MYH14: variants seen among roughly 807,000 people sequenced by gnomAD.
MYH14 encodes the protein myosin heavy chain 14, also known as myosin-14.
A neutral mutation model predicts 255.5 loss-of-function variants in MYH14; 123 were observed. The ratio of observed to expected loss-of-function variants is 0.48; its 90% CI spans 0.42 to 0.56. MYH14 has a LOEUF of 0.56. Among genes scored for constraint, MYH14 ranks in the 20% least tolerant of loss-of-function variants. MYH14 has a pLI of 0.00. For synonymous variants in MYH14, 1,095 were observed against 1,161.2 expected (o/e 0.94, Z 1.16); for missense variants, 2,423 against 2,802.3 (o/e 0.86, Z 3.06).
chr19:50,277,131 C>T (rs2035540196), intron 29 of MYH14, among the ~76,000 whole-genome samples: 1 of 152,174 alleles, frequency 6.6e-6, no homozygotes. Context: ...ACTGCCTTCC[C>T]TTGTGGAGCT....
intron 7 of MYH14, 102 bp from the exon 8 acceptor site, chr19:50,226,801 C>T: frequency 7.3e-6 from 8 of 1,101,984 alleles, no homozygotes; most frequent in South Asian, 6.8e-5. Flanking sequence ...GGGGGGGCAG[C>T]CGCAGCTCTG....
rs757168957 is a variant in MYH14 at position 50,281,736 on chromosome 19, G to A, written c.4433G>A (p.Arg1478Gln). The change falls in exon 33 of 43, where the codon CGG (arginine) becomes CAG (glutamine). Residue 1478 changes from arginine to glutamine, a missense_variant. Physicochemically the swap from Arg to Gln is conservative, Grantham distance 43. Transcript: ENST00000642316. The part of the protein sequence containing the change: ...EKTETVDRLE[R>Q]GRRRLQQELD... ...ACAGAGACCGTGGATCGGCTGGAGCGGGGCCGCCGCCGGCTGCAGCAGGAG... is the reference window on the plus strand; with the variant it reads ...ACAGAGACCGTGGATCGGCTGGAGCAGGGCCGCCGCCGGCTGCAGCAGGAG... 59 of 1,611,694 alleles carry A rather than the reference G, an allele frequency of 3.7e-5. No homozygotes were observed. Among genetic ancestry groups the A allele is most frequent in the Middle Eastern group, 1.6e-4 (1 of 6,068 alleles).
At chr19:50,222,801 C>T (rs1186546431) in intron 3 of MYH14, among the ~76,000 whole-genome samples, 7 of 152,084 alleles carry the variant, frequency 4.6e-5, no homozygotes, top group Non-Finnish European at 7.4e-5. Context: ...ACGTTGAGGT[C>T]GTTGAATGAA....
chr19:50,286,834 G>A (rs1195076358), intron 34 of MYH14, 140 bp downstream of exon 34: 3 of 893,878 alleles, frequency 3.4e-6, no homozygotes, highest in East Asian at 2.7e-5. Context: ...AGAGGGCTGG[G>A]CATGGTGGCT....
At chr19:50,279,348 C>T (rs1217882816) in intron 30 of MYH14, among the ~76,000 whole-genome samples, 1 of 152,048 alleles carries the variant, frequency 6.6e-6, no homozygotes, top group African/African-American at 2.4e-5. Flanking sequence ...TTTTAAAACA[C>T]CAGCTGGGTG....
At chr19:50,277,786 G>A (rs993475593) in intron 29 of MYH14, among the ~76,000 whole-genome samples, 14 of 151,928 alleles carry the variant, frequency 9.2e-5, no homozygotes, top group African/African-American at 3.1e-4. Context: ...GCGTGGTGGT[G>A]GGCGCCTGTA....
In MYH14 at chr19:50,293,340, T is replaced by C; in HGVS notation, c.5345+19T>C. On this transcript the variant is annotated intron_variant, in intron 38 of 42. Coordinates refer to ENST00000642316, the MANE Select transcript of MYH14 (RefSeq NM_001145809.2). This position sits in a 1 kb window ranked among gnomAD's most constrained non-coding sequence, Gnocchi z 4.1. ...TTAGCAAGTAAGTGCCCCAAGGGTC[T>C]GAAGGCTGAGGTACTGCGTCTGCAG... 2 of 1,583,132 alleles carry C rather than the reference T, an allele frequency of 1.3e-6. No homozygotes were observed. Among genetic ancestry groups the C allele is most frequent in the Non-Finnish European group, 1.7e-6 (2 of 1,162,850 alleles).
At chr19:50,207,217 G>A (rs961838291) in intron 1 of MYH14, among the ~76,000 whole-genome samples, 9 of 144,786 alleles carry the variant, frequency 6.2e-5, no homozygotes, top group Non-Finnish European at 1.1e-4. Flanking sequence ...GCAATAGAGC[G>A]AGACCTATCT....
At chr19:50,222,757 A>G (rs1329959914) in intron 3 of MYH14, among the ~76,000 whole-genome samples, 1 of 152,118 alleles carries the variant, frequency 6.6e-6, no homozygotes, top group Non-Finnish European at 1.5e-5. Context: ...TGAATCTCAC[A>G]TGCCCAGCAT....
chr19:50,238,081 T>C (rs770507271), intron 10 of MYH14, among the ~76,000 whole-genome samples: 1 of 152,234 alleles, frequency 6.6e-6, no homozygotes. Context: ...TTCCCCATTT[T>C]ACATCTCTGC....
Position 50,267,024 on chromosome 19 carries a change from C to G in MYH14, c.2826+16C>G. The G allele has an allele frequency of 6.9e-7, 1 of 1,451,626 alleles. No homozygotes were observed. The highest frequency in any genetic ancestry group is 2.5e-5 in the East Asian group (1 of 39,342). The allele number at this position is 1,451,626 out of a possible 1,614,324, so 89.9% of individuals were successfully genotyped here. On this transcript the variant is annotated intron_variant, in intron 23 of 42. Coordinates refer to ENST00000642316, the MANE Select transcript of MYH14 (RefSeq NM_001145809.2). ...AGTGGCACAGGTGAGGGGGCGGGGG[C>G]AGGGCGTGGGGGCGTGTCTTCGGGG...
Position 50,276,795 on chromosome 19 carries a change from C to G in MYH14, c.3719C>G (p.Thr1240Ser), listed in dbSNP as rs2035523929. The change falls in exon 29 of 43, where the codon ACT becomes AGT. Residue 1240 changes from threonine to serine, a missense_variant. Transcript: ENST00000642316. This position sits in a 1 kb window ranked among gnomAD's most constrained non-coding sequence, Gnocchi z 4.3. Reference protein sequence around the residue: ...REQEVTELKKTLEEETRIHEA... With the variant: ...REQEVTELKKSLEEETRIHEA... Reference sequence around the variant, plus strand: ...CAGGAGGTGACGGAGCTGAAGAAGACTCTGGAGGAGGAGACTCGCATCCAC... The same window carrying G: ...CAGGAGGTGACGGAGCTGAAGAAGAGTCTGGAGGAGGAGACTCGCATCCAC... 1 of 1,613,438 alleles carries G rather than the reference C, an allele frequency of 6.2e-7. No homozygotes were observed. Among genetic ancestry groups the G allele is most frequent in the African/African-American group, 1.3e-5 (1 of 75,034 alleles).
chr19:50,308,664 C>A (rs1297453583), intron 41 of MYH14: 1 of 285,946 alleles, frequency 3.5e-6, no homozygotes, highest in African/African-American at 2.2e-5. Flanking sequence ...AAGAAAAAGA[C>A]CCTGTGGGGC....
At chr19:50,277,996 C>T (rs2035570669) in intron 29 of MYH14, 87 bp from the exon 30 acceptor site, 1 of 986,592 alleles carries the variant, frequency 1.0e-6, no homozygotes, top group East Asian at 2.9e-5. Context: ...GAGGGAACAG[C>T]CAGTGCAAAG....
chr19:50,290,081 C>A (rs1443733704), intron 35 of MYH14, among the ~76,000 whole-genome samples: 1 of 152,116 alleles, frequency 6.6e-6, no homozygotes. Context: ...CCACATACAG[C>A]CTCTCCCCCA....
chr19:50,244,192 C>A, intron 10 of MYH14, 50 bp from the exon 11 acceptor site: 1 of 1,536,840 alleles, frequency 6.5e-7, no homozygotes. Flanking sequence ...CAGTTAAGAC[C>A]ACACATCGGG....
In MYH14 at chr19:50,276,152, G is replaced by A. The variant is rs794729639; in HGVS notation, c.3629G>A (p.Arg1210Gln). 2.5e-6 allele frequency: 4 copies of A among 1,569,272 alleles called. No individual in the cohort carries two copies. Among genetic ancestry groups the A allele is most frequent in the South Asian group, 2.3e-5 (2 of 85,608 alleles). ...RDLGEELEAL[R>Q]GELEDTLDST... ...CTGGGCGAGGAGCTGGAGGCGCTGC[G>A]GGGCGAGCTGGAGGACACGCTGGAC... Residue 1210 changes from arginine (R) to glutamine (Q), a missense_variant, in exon 28 of 43, where the codon CGG becomes CAG. Transcript: ENST00000642316. The surrounding 1 kb of genome is among the most constrained non-coding windows in gnomAD (Gnocchi z 4.3).
chr19:50,297,113 G>A (rs2036295735), intron 39 of MYH14, among the ~76,000 whole-genome samples: 1 of 152,028 alleles, frequency 6.6e-6, no homozygotes, highest in South Asian at 2.1e-4. Context: ...AGCCTCCCAA[G>A]TAGCTGGGAC....
chr19:50,291,125 C>A (rs762719582), intron 36 of MYH14, 77 bp downstream of exon 36: 67 of 1,433,352 alleles, frequency 4.7e-5, no homozygotes, highest in Non-Finnish European at 5.7e-5. Flanking sequence ...GGGTCTAAGG[C>A]TAGCTCGGAC....
Sources: gnomAD v4.1 joint callset for allele counts (sites outside exome capture counted in the v4.1 genomes callset) on GRCh38, gnomAD v4.1.1 for gene constraint, Gnocchi (gnomAD v3.1) non-coding constraint, MANE v1.5 for transcripts, NCBI Gene and HGNC (gene_info 2026-07-23, HGNC 2026-07-21) for gene names.